BRD10: variants seen among roughly 807,000 people sequenced by gnomAD.
The protein encoded by BRD10 is bromodomain containing 10, also known as uncharacterized bromodomain-containing protein 10.
the BRD10 span, among the ~76,000 whole-genome samples, chr9:5,971,116 A>G: frequency 6.6e-6 from 1 of 151,358 alleles, no homozygotes; most frequent in African/African-American, 2.4e-5. Context: ...ATATTTCTTT[A>G]AAGATGTGAA....
chr9:5,954,050 G>C, the BRD10 span: 3 of 1,568,960 alleles, frequency 1.9e-6, no homozygotes, highest in African/African-American at 2.7e-5. Context: ...CTTTATGACA[G>C]TTTTCCTCTT....
the BRD10 span, among the ~76,000 whole-genome samples, chr9:5,880,200 T>G: frequency 6.6e-6 from 1 of 151,130 alleles, no homozygotes; most frequent in African/African-American, 2.4e-5. Context: ...ATTACAGGTG[T>G]GAGCCATCAC....
At chr9:5,976,713 C>T in the BRD10 span, among the ~76,000 whole-genome samples, 1 of 149,214 alleles carries the variant, frequency 6.7e-6, no homozygotes, top group Admixed American at 6.7e-5. Flanking sequence ...GATAAAGGAA[C>T]TAGGAAGCGC....
chr9:5,966,430 T>A, the BRD10 span, among the ~76,000 whole-genome samples: 2 of 149,498 alleles, frequency 1.3e-5, no homozygotes, highest in Non-Finnish European at 3.0e-5. Context: ...AAAATATTAT[T>A]TAATATTTTA....
At chr9:5,894,967 T>C in the BRD10 span, among the ~76,000 whole-genome samples, 67 of 152,320 alleles carry the variant, frequency 4.4e-4, no homozygotes, top group Admixed American at 1.2e-3. This position sits in a 1 kb window ranked among gnomAD's most constrained non-coding sequence, Gnocchi z 4.0. Context: ...TTTCTGTGTC[T>C]TGCAACCTGA....
the BRD10 span, among the ~76,000 whole-genome samples, chr9:5,985,719 A>G: frequency 9.2e-5 from 14 of 152,112 alleles, no homozygotes; most frequent in African/African-American, 3.4e-4. Context: ...TGGGAGGCGG[A>G]GGTTGTGGTG....
At chr9:5,922,899 G>C in the BRD10 span, 8 of 1,613,856 alleles carry the variant, frequency 5.0e-6, no homozygotes, top group Non-Finnish European at 6.8e-6. Flanking sequence ...TCCACAGCAA[G>C]AGCATTTCTA....
the BRD10 span, among the ~76,000 whole-genome samples, chr9:5,945,701 G>T: frequency 3.3e-5 from 5 of 152,062 alleles, no homozygotes; most frequent in South Asian, 2.1e-4. Context: ...AAAAATATTA[G>T]TAACTACATC....
At chr9:5,988,400 T>C in the BRD10 span, 7 of 1,613,948 alleles carry the variant, frequency 4.3e-6, no homozygotes, top group Admixed American at 3.3e-5. Context: ...TGAACCATTA[T>C]AGATTCAAAA....
the BRD10 span, chr9:5,921,108 T>C: frequency 6.2e-7 from 1 of 1,613,768 alleles, no homozygotes; most frequent in Non-Finnish European, 8.5e-7. Flanking sequence ...CTCACAAAAT[T>C]TGAGCTTACT....
the BRD10 span, among the ~76,000 whole-genome samples, chr9:5,978,298 T>C: frequency 6.6e-6 from 1 of 151,338 alleles, no homozygotes. Flanking sequence ...TTTACTATTA[T>C]AGTTTTATAA....
the BRD10 span, chr9:5,920,547 G>C: frequency 1.2e-6 from 2 of 1,613,944 alleles, no homozygotes; most frequent in Non-Finnish European, 1.7e-6. Flanking sequence ...ATTTTACCTG[G>C]ACTTGTTGAA....
the BRD10 span, among the ~76,000 whole-genome samples, chr9:5,882,928 G>A: frequency 1.3e-5 from 2 of 152,170 alleles, no homozygotes; most frequent in Admixed American, 6.5e-5. Context: ...CAAACACCGC[G>A]TGTTCTCACT....
At chr9:5,924,800 A>G in the BRD10 span, 2 of 1,559,182 alleles carry the variant, frequency 1.3e-6, no homozygotes, top group Admixed American at 1.8e-5. Flanking sequence ...ATGTATCATG[A>G]TCAGGTTGTC....
chr9:5,889,221 A>G, the BRD10 span, among the ~76,000 whole-genome samples: 6 of 152,198 alleles, frequency 3.9e-5, no homozygotes, highest in African/African-American at 1.4e-4. Flanking sequence ...ATGTCACACA[A>G]CCAATGCTTC....
the BRD10 span, among the ~76,000 whole-genome samples, chr9:5,897,098 G>A: frequency 6.6e-6 from 1 of 152,212 alleles, no homozygotes; most frequent in Non-Finnish European, 1.5e-5. Flanking sequence ...CAGTGTTGAT[G>A]TGAGAATTGA....
chr9:5,988,322 T>C, the BRD10 span: 2 of 1,579,510 alleles, frequency 1.3e-6, no homozygotes, highest in Non-Finnish European at 1.7e-6. Context: ...GCTGAAATTA[T>C]GAATTTTTTT....
chr9:5,890,210 T>G, the BRD10 span, among the ~76,000 whole-genome samples: 1 of 152,172 alleles, frequency 6.6e-6, no homozygotes, highest in Non-Finnish European at 1.5e-5. Context: ...GAGATATGCC[T>G]CCCTCAAACC....
At chr9:5,979,780 C>G in the BRD10 span, among the ~76,000 whole-genome samples, 1 of 151,904 alleles carries the variant, frequency 6.6e-6, no homozygotes. Flanking sequence ...CTTTGGGAGG[C>G]TGAGGAGGGC....
Sources: allele counts gnomAD v4.1 joint callset (sites outside exome capture counted in the v4.1 genomes callset), GRCh38; gene constraint gnomAD v4.1.1; non-coding constraint Gnocchi (gnomAD v3.1); transcripts MANE v1.5; gene names NCBI Gene and HGNC (gene_info 2026-07-23, HGNC 2026-07-21).